BTBD9: variants seen among roughly 807,000 people sequenced by gnomAD.
BTBD9 encodes BTB/POZ domain-containing protein 9.
In BTBD9, 49 loss-of-function variants were observed where a neutral mutation model predicts 64.3. That is an observed-to-expected ratio of 0.76 (90% confidence interval 0.61 to 0.97). The LOEUF (loss-of-function observed/expected upper bound fraction) is 0.97, where lower values mean the gene tolerates loss of function less well. BTBD9 is among the 50% of genes least tolerant of loss of function. The pLI is 0.00. For synonymous variants in BTBD9, 260 were observed against 274.7 expected, an observed-to-expected ratio of 0.95 and a Z score of 0.53; for missense variants, 598 against 762.1, an observed-to-expected ratio of 0.78 and a Z score of 2.53.
intron 6 of BTBD9, among the ~76,000 whole-genome samples, chr6:38,436,373 T>A (rs1242194534): frequency 8.5e-5 from 2 of 23,604 alleles, no homozygotes; most frequent in Non-Finnish European, 2.4e-4. Flanking sequence ...CCCAATTCTA[T>A]TTTTTTTTTT....
At chr6:38,590,522 T>C (rs1182375303) in intron 4 of BTBD9, among the ~76,000 whole-genome samples, 1 of 152,182 alleles carries the variant, frequency 6.6e-6, no homozygotes, top group Non-Finnish European at 1.5e-5. Flanking sequence ...GTTAAGAACA[T>C]CTATTTAAGA....
intron 8 of BTBD9, among the ~76,000 whole-genome samples, chr6:38,287,006 T>C (rs995314893): frequency 7.3e-6 from 1 of 136,464 alleles, no homozygotes; most frequent in Non-Finnish European, 1.5e-5. Context: ...GGCTTGAACC[T>C]GGGAGGCAGA....
chr6:38,278,299 C>G (rs1310447323), intron 8 of BTBD9, among the ~76,000 whole-genome samples: 1 of 152,026 alleles, frequency 6.6e-6, no homozygotes, highest in Non-Finnish European at 1.5e-5. Flanking sequence ...AACAAACAAA[C>G]AAAACAAAAA....
At chr6:38,234,911 G>C (rs1217871124) in intron 9 of BTBD9, among the ~76,000 whole-genome samples, 4 of 152,224 alleles carry the variant, frequency 2.6e-5, no homozygotes, top group Non-Finnish European at 5.9e-5. Context: ...CTAGTATAAA[G>C]GCTAAGATTG....
At chr6:38,334,728 C>A (rs1420168017) in intron 7 of BTBD9, among the ~76,000 whole-genome samples, 2 of 152,070 alleles carry the variant, frequency 1.3e-5, no homozygotes, top group East Asian at 1.9e-4. Context: ...CACATCCATA[C>A]TACTATATGT....
At chr6:38,466,827 C>G (rs928299781) in intron 6 of BTBD9, among the ~76,000 whole-genome samples, 2 of 152,206 alleles carry the variant, frequency 1.3e-5, no homozygotes, top group African/African-American at 4.8e-5. Context: ...ATCCACCTGT[C>G]TCAGCCTCCC....
At chr6:38,287,201 C>T (rs2127554860) in intron 8 of BTBD9, among the ~76,000 whole-genome samples, 1 of 150,552 alleles carries the variant, frequency 6.6e-6, no homozygotes, top group South Asian at 2.1e-4. Flanking sequence ...TGTCCTAGGC[C>T]TTCACATTCA....
intron 6 of BTBD9, among the ~76,000 whole-genome samples, chr6:38,422,737 T>C (rs775744397): frequency 6.6e-6 from 1 of 152,204 alleles, no homozygotes; most frequent in Non-Finnish European, 1.5e-5. Context: ...CCCTAATTAT[T>C]TTACACAGGG....
At chr6:38,555,196 G>C (rs1774961804) in intron 6 of BTBD9, among the ~76,000 whole-genome samples, 1 of 152,218 alleles carries the variant, frequency 6.6e-6, no homozygotes, top group Non-Finnish European at 1.5e-5. Flanking sequence ...TGCCTCACTG[G>C]TTAAAAGACA....
intron 6 of BTBD9, among the ~76,000 whole-genome samples, chr6:38,348,615 A>G (rs1764382315): frequency 6.6e-6 from 1 of 152,176 alleles, no homozygotes; most frequent in African/African-American, 2.4e-5. Flanking sequence ...TCTGTTTCCA[A>G]TATTCCCCTC....
intron 9 of BTBD9, among the ~76,000 whole-genome samples, chr6:38,248,434 G>C (rs747046257): frequency 6.6e-5 from 10 of 152,224 alleles, no homozygotes; most frequent in Non-Finnish European, 1.3e-4. Context: ...GTTTTGGATA[G>C]ATGATGGCTG....
At chr6:38,284,238 G>A (rs1370989645) in intron 8 of BTBD9, among the ~76,000 whole-genome samples, 1 of 152,062 alleles carries the variant, frequency 6.6e-6, no homozygotes, top group East Asian at 1.9e-4. Context: ...ATACTGTGCT[G>A]AGATACACAA....
At chr6:38,323,310 G>C (rs1030652478) in intron 7 of BTBD9, among the ~76,000 whole-genome samples, 1 of 151,944 alleles carries the variant, frequency 6.6e-6, no homozygotes, top group Non-Finnish European at 1.5e-5. Flanking sequence ...CTACCCTTTC[G>C]GGCAATCCCC....
At chr6:38,325,897 G>A (rs2127578496) in intron 7 of BTBD9, among the ~76,000 whole-genome samples, 2 of 152,266 alleles carry the variant, frequency 1.3e-5, no homozygotes, top group Middle Eastern at 6.8e-3. Context: ...CACTTACTGA[G>A]TATCAGGGTT....
chr6:38,284,405 G>C (rs1582163321), intron 8 of BTBD9, among the ~76,000 whole-genome samples: 1 of 152,296 alleles, frequency 6.6e-6, no homozygotes, highest in South Asian at 2.1e-4. Flanking sequence ...TCTGGAGTCA[G>C]ATTCAACATC....
chr6:38,455,957 A>G (rs1273687336), intron 6 of BTBD9, among the ~76,000 whole-genome samples: 3 of 147,884 alleles, frequency 2.0e-5, no homozygotes, highest in African/African-American at 7.5e-5. Flanking sequence ...GATTACAGGC[A>G]TGAGCCACTG....
chr6:38,385,223 G>A lies in BTBD9; in HGVS notation c.1155-40130C>T, dbSNP rs372243213. 2.1e-5 allele frequency among the ~76,000 whole-genome samples: 3 copies of A among 146,130 alleles called. No homozygotes were observed. In the East Asian group the frequency reaches 6.0e-4, roughly 29 times the overall value. Reference sequence around the variant, plus strand: ...TTTTTTTCTTTTGAGACAAAGTCTTGCTCTGTCGCCCAGGCTGGGGTGCAG... The same window carrying A: ...TTTTTTTCTTTTGAGACAAAGTCTTACTCTGTCGCCCAGGCTGGGGTGCAG... On this transcript the variant is annotated intron_variant, in intron 6 of 10. Transcript: ENST00000481247.
chr6:38,291,486 G>A (rs954811489), intron 7 of BTBD9, among the ~76,000 whole-genome samples: 4 of 152,066 alleles, frequency 2.6e-5, no homozygotes, highest in Non-Finnish European at 5.9e-5. Context: ...TATCCTTTAT[G>A]TCTTTCTCTA....
At chr6:38,462,529 A>T (rs578175902) in intron 6 of BTBD9, among the ~76,000 whole-genome samples, 6 of 152,196 alleles carry the variant, frequency 3.9e-5, no homozygotes, top group African/African-American at 1.2e-4. Flanking sequence ...TACTGTTTTG[A>T]GTAAGGTAGG....
Sources: gnomAD v4.1 joint callset for allele counts (sites outside exome capture counted in the v4.1 genomes callset) on GRCh38, gnomAD v4.1.1 for gene constraint, MANE v1.5 for transcripts, NCBI Gene and HGNC (gene_info 2026-07-23, HGNC 2026-07-21) for gene names.